Variants in SUPT3H observed in about 807,000 individuals in gnomAD.
SUPT3H encodes SPT3 homolog, SAGA and STAGA complex component, also known as transcription initiation protein SPT3 homolog.
A neutral mutation model predicts 44.3 loss-of-function variants in SUPT3H; 44 were observed. The observed-to-expected ratio is 0.99, with a 90% CI of 0.78 to 1.28. The LOEUF (loss-of-function observed/expected upper bound fraction) is 1.28. Among genes scored for constraint, SUPT3H ranks in the 50% most tolerant of loss-of-function variants. SUPT3H has a pLI of 0.00. For missense variants in SUPT3H, 380 were observed against 387.1 expected (o/e 0.98, Z 0.15); for synonymous variants, 124 against 125.6 (o/e 0.99, Z 0.09).
intron 1 of SUPT3H, among the ~76,000 whole-genome samples, chr6:45,375,605 C>G (rs1008497653): frequency 6.6e-6 from 1 of 151,904 alleles, no homozygotes; most frequent in Non-Finnish European, 1.5e-5. Context: ...GAAGCCTGGC[C>G]TGACCATGAT....
chr6:45,336,535 A>C (rs1407817692), intron 2 of SUPT3H, among the ~76,000 whole-genome samples: 2 of 151,450 alleles, frequency 1.3e-5, no homozygotes, highest in African/African-American at 2.4e-5. Flanking sequence ...ATACACTTAA[A>C]TATTTTTTAA....
chr6:44,930,478 T>G (rs1472333477), intron 10 of SUPT3H, among the ~76,000 whole-genome samples: 1 of 147,926 alleles, frequency 6.8e-6, no homozygotes, highest in Non-Finnish European at 1.5e-5. Context: ...TAGGGAGAAC[T>G]GCTCGAACCT....
intron 10 of SUPT3H, among the ~76,000 whole-genome samples, chr6:44,891,023 A>C (rs1363162489): frequency 1.3e-5 from 2 of 152,064 alleles, no homozygotes; most frequent in Non-Finnish European, 2.9e-5. Context: ...AGAAATACCT[A>C]ATGTAGATGA....
At chr6:45,068,977 C>CAAA (rs367995110) in intron 3 of SUPT3H, among the ~76,000 whole-genome samples, 1 of 111,132 alleles carries the variant, frequency 9.0e-6, no homozygotes, top group Non-Finnish European at 1.9e-5. Context: ...TTTTACTTTG[C>CAAA]AAAAAAAAAA....
At chr6:44,869,003 C>T (rs997278608) in intron 10 of SUPT3H, among the ~76,000 whole-genome samples, 5 of 152,230 alleles carry the variant, frequency 3.3e-5, no homozygotes, top group Non-Finnish European at 7.3e-5. Context: ...CCAAATGTCA[C>T]TGATGTTTCT....
chr6:45,022,450 C>A (rs1193164305), intron 3 of SUPT3H, among the ~76,000 whole-genome samples: 1 of 147,462 alleles, frequency 6.8e-6, no homozygotes, highest in South Asian at 2.2e-4. Flanking sequence ...AGAACCAATA[C>A]ATGACCACTG....
In SUPT3H at chr6:45,021,461, G is replaced by A. The variant is rs73737830; in HGVS notation, c.187-829C>T. Among the ~76,000 whole-genome samples the A allele has an allele frequency of 4.0e-3, 602 of 151,690 alleles. 7 individuals carry two copies. The highest frequency in any genetic ancestry group is 0.014 in the African/African-American group (570 of 41,428). On this transcript the variant is annotated intron_variant, in intron 3 of 10. Coordinates refer to ENST00000371459, the MANE Select transcript of SUPT3H (RefSeq NM_003599.4). ...ATTAGTTGGAAGCAACATAAAATACGCCCATCTGAAAAAAATAAAGATGCT... is the reference window on the plus strand; with the variant it reads ...ATTAGTTGGAAGCAACATAAAATACACCCATCTGAAAAAAATAAAGATGCT...
At chr6:45,021,399 C>T (rs1475372058) in intron 3 of SUPT3H, among the ~76,000 whole-genome samples, 2 of 151,698 alleles carry the variant, frequency 1.3e-5, no homozygotes, top group Non-Finnish European at 2.9e-5. Context: ...ATGATAGTTC[C>T]GTTTTTTGGC....
intron 2 of SUPT3H, among the ~76,000 whole-genome samples, chr6:45,333,705 T>C (rs539952151): frequency 1.3e-5 from 2 of 151,462 alleles, no homozygotes; most frequent in African/African-American, 4.8e-5. Flanking sequence ...AGATGAGCTG[T>C]AGAATTAAAA....
intron 10 of SUPT3H, among the ~76,000 whole-genome samples, chr6:44,837,028 A>C (rs1770033511): frequency 6.6e-6 from 1 of 152,212 alleles, no homozygotes; most frequent in Admixed American, 6.5e-5. Context: ...ACCAAAAATT[A>C]GAATCAATAG....
intron 2 of SUPT3H, among the ~76,000 whole-genome samples, chr6:45,315,942 T>C (rs954444656): frequency 4.0e-5 from 6 of 151,470 alleles, no homozygotes; most frequent in East Asian, 1.9e-4. Context: ...GATAGATAGA[T>C]AGATAGATAG....
At position 44,862,410 on chromosome 6, in the gene SUPT3H, C is replaced by T. The variant is rs151323887; in HGVS notation, c.913-32553G>A. Among the ~76,000 whole-genome samples, 247 of 152,202 alleles carry T rather than the reference C, an allele frequency of 1.6e-3. 2 individuals are homozygous for T. Among genetic ancestry groups the T allele is most frequent in the African/African-American group, 5.6e-3 (233 of 41,526 alleles). On this transcript the variant is annotated intron_variant, in intron 10 of 10. Coordinates refer to ENST00000371459, the MANE Select transcript of SUPT3H (RefSeq NM_003599.4). ...AATGATACAGGGCCAGGCGCAGTGA[C>T]ACACACCTGTAATTCCAGCATTTTC... is the stretch of plus-strand genomic sequence containing the variant.
chr6:45,059,836 C>G (rs1426354742), intron 3 of SUPT3H, among the ~76,000 whole-genome samples: 1 of 151,878 alleles, frequency 6.6e-6, no homozygotes, highest in East Asian at 1.9e-4. Context: ...AAATGAACAC[C>G]CATTCACAAT....
At chr6:44,848,444 C>A (rs13206526) in intron 10 of SUPT3H, among the ~76,000 whole-genome samples, 25,890 of 152,120 alleles carry the variant, frequency 0.17, 2,472 homozygotes, top group Admixed American at 0.28. Context: ...TTCCAAAGTT[C>A]AGCCAGGGCA....
intron 5 of SUPT3H, among the ~76,000 whole-genome samples, chr6:45,005,702 A>AC (rs1211272984): frequency 1.4e-5 from 2 of 141,580 alleles, no homozygotes; most frequent in Non-Finnish European, 1.6e-5. Flanking sequence ...ACTCGTCTCA[A>AC]AAAAAAAAAA....
At chr6:45,026,790 C>A (rs1290378411) in intron 3 of SUPT3H, among the ~76,000 whole-genome samples, 4 of 152,042 alleles carry the variant, frequency 2.6e-5, no homozygotes, top group African/African-American at 9.7e-5. Context: ...TGTTCTTAGA[C>A]ACCCCAAATT....
chr6:44,977,430 C>T (rs1778486214), intron 6 of SUPT3H, among the ~76,000 whole-genome samples: 2 of 152,108 alleles, frequency 1.3e-5, no homozygotes, highest in Admixed American at 1.3e-4. Flanking sequence ...CTGAAACTTA[C>T]TGATTCTCTG....
chr6:45,270,820 C>A (rs968265861), intron 2 of SUPT3H, among the ~76,000 whole-genome samples: 2 of 152,182 alleles, frequency 1.3e-5, no homozygotes, highest in African/African-American at 4.8e-5. Flanking sequence ...GCTTGGAACT[C>A]CCTAGAGACT....
At chr6:44,978,719 T>G in intron 6 of SUPT3H, among the ~76,000 whole-genome samples, 1 of 152,094 alleles carries the variant, frequency 6.6e-6, no homozygotes, top group Non-Finnish European at 1.5e-5. Context: ...AGTTATTCTA[T>G]TGAGTAAGAA....
Sources: allele counts gnomAD v4.1 joint callset (sites outside exome capture counted in the v4.1 genomes callset), GRCh38; gene constraint gnomAD v4.1.1; transcripts MANE v1.5; gene names NCBI Gene and HGNC (gene_info 2026-07-23, HGNC 2026-07-21).